Variants in FSTL5 observed in about 807,000 individuals in gnomAD.
FSTL5 encodes the protein follistatin-related protein 5.
In FSTL5, 62 loss-of-function variants were observed where a neutral mutation model predicts 89.1. The ratio of observed to expected loss-of-function variants is 0.70; its 90% CI spans 0.57 to 0.86. The LOEUF (loss-of-function observed/expected upper bound fraction) is 0.86. Ranked by LOEUF, FSTL5 falls within the 40% of genes least tolerant of loss-of-function variation. The pLI, the probability that FSTL5 is intolerant of heterozygous loss-of-function variation, is 0.00. For synonymous variants in FSTL5, 383 were observed against 346.2 expected (o/e 1.11, Z -1.18); for missense variants, 1,057 against 1,001.6 (o/e 1.06, Z -0.75).
intron 4 of FSTL5, among the ~76,000 whole-genome samples, chr4:161,888,550 C>T (rs1304230284): frequency 6.6e-6 from 1 of 152,044 alleles, no homozygotes; most frequent in African/African-American, 2.4e-5. Context: ...TGCAATTGTA[C>T]CCTTGGTATT....
rs368085397 is a variant in FSTL5 at position 161,779,795 on chromosome 4, A to G, written c.410-3721T>C. Among the ~76,000 whole-genome samples the G allele has an allele frequency of 1.5e-3, 77 of 52,970 alleles. 2 individuals carry two copies. The highest frequency in any genetic ancestry group is 1.7e-3 in the Non-Finnish European group (56 of 32,100). 34.8% of individuals were successfully genotyped at this position (52,970 alleles called of 152,430 possible). ...TATATGTATATATATATATATATAT[A>G]TATATATATATATATGTATATATAT... On this transcript the variant is annotated intron_variant, in intron 4 of 15. Transcript: ENST00000306100.
intron 4 of FSTL5, among the ~76,000 whole-genome samples, chr4:161,798,884 G>A (rs563025871): frequency 6.6e-6 from 1 of 151,772 alleles, no homozygotes; most frequent in Non-Finnish European, 1.5e-5. Context: ...TGAGTGAAAT[G>A]GGAAGAAAAG....
At chr4:162,141,485 G>T (rs1732744598) in intron 1 of FSTL5, among the ~76,000 whole-genome samples, 1 of 152,094 alleles carries the variant, frequency 6.6e-6, no homozygotes, top group Non-Finnish European at 1.5e-5. Context: ...TGCCATGATT[G>T]TAAGCTTCCT....
chr4:161,986,402 A>C (rs2111063368), intron 3 of FSTL5, among the ~76,000 whole-genome samples: 1 of 152,186 alleles, frequency 6.6e-6, no homozygotes, highest in Middle Eastern at 3.4e-3. Context: ...ATATAAAATA[A>C]ATAGTTGAGC....
intron 4 of FSTL5, among the ~76,000 whole-genome samples, chr4:161,797,628 T>C (rs1195469741): frequency 6.6e-6 from 1 of 151,544 alleles, no homozygotes; most frequent in Non-Finnish European, 1.5e-5. Flanking sequence ...TGAACCACTA[T>C]TAAAAAATGG....
At chr4:161,831,361 C>T (rs1294984666) in intron 4 of FSTL5, among the ~76,000 whole-genome samples, 4 of 151,720 alleles carry the variant, frequency 2.6e-5, no homozygotes, top group South Asian at 2.1e-4. Flanking sequence ...CCTCTAATTA[C>T]GTGTCTGATA....
intron 13 of FSTL5, among the ~76,000 whole-genome samples, chr4:161,468,265 A>G (rs1578856669): frequency 6.8e-6 from 1 of 147,592 alleles, no homozygotes; most frequent in Admixed American, 6.7e-5. Flanking sequence ...TTTTTTTACA[A>G]TAGGAACATA....
chr4:161,932,277 T>C (rs1040895738), intron 3 of FSTL5, among the ~76,000 whole-genome samples: 8 of 152,120 alleles, frequency 5.3e-5, no homozygotes, highest in South Asian at 4.1e-4. Flanking sequence ...TTCTCTAATA[T>C]ATAAAAATAA....
intron 2 of FSTL5, chr4:162,035,196 T>A (rs1365402846): frequency 6.6e-6 from 1 of 152,078 alleles, no homozygotes; most frequent in Non-Finnish European, 1.5e-5. Context: ...ATGGATCACT[T>A]TTTTATGTGC....
intron 4 of FSTL5, among the ~76,000 whole-genome samples, chr4:161,881,844 G>T (rs1352246271): frequency 6.6e-6 from 1 of 152,062 alleles, no homozygotes; most frequent in Non-Finnish European, 1.5e-5. Flanking sequence ...GGCCTTAAAA[G>T]ACTTTTTTCT....
intron 15 of FSTL5, among the ~76,000 whole-genome samples, chr4:161,431,344 C>T (rs780404164): frequency 6.6e-6 from 1 of 151,616 alleles, no homozygotes; most frequent in African/African-American, 2.4e-5. Flanking sequence ...CTAGTTTTCT[C>T]TATGATTGTT....
At chr4:161,410,430 G>A (rs575841519) in intron 15 of FSTL5, among the ~76,000 whole-genome samples, 17 of 152,134 alleles carry the variant, frequency 1.1e-4, no homozygotes, top group Admixed American at 5.2e-4. Flanking sequence ...TACATTTTTC[G>A]CATCTGTGCA....
At chr4:162,013,005 G>A (rs561026463) in intron 3 of FSTL5, among the ~76,000 whole-genome samples, 1 of 152,126 alleles carries the variant, frequency 6.6e-6, no homozygotes, top group African/African-American at 2.4e-5. Flanking sequence ...ACAACATGGT[G>A]AAACCCTGTC....
chr4:161,784,907 C>CA (rs1202708192), intron 4 of FSTL5, among the ~76,000 whole-genome samples: 1 of 125,404 alleles, frequency 8.0e-6, no homozygotes, highest in Non-Finnish European at 1.6e-5. Context: ...AAAACAAAAA[C>CA]AAACAAACAA....
At chr4:162,002,189 T>C (rs536540229) in intron 3 of FSTL5, among the ~76,000 whole-genome samples, 66 of 152,304 alleles carry the variant, frequency 4.3e-4, no homozygotes, top group African/African-American at 1.5e-3. Context: ...AATGCGAGTA[T>C]ATGCTTTGTT....
rs113638833 is a variant in FSTL5 at position 161,752,921 on chromosome 4, A to T, written c.727+6490T>A. On this transcript the variant is annotated intron_variant, in intron 6 of 15. Coordinates refer to ENST00000306100, the MANE Select transcript of FSTL5 (RefSeq NM_020116.5). ...GCAGCAAGAAGGCGGGCATTAGTTT[A>T]TAAGCCAGGAAGACAGCCCTCACCA... 4.9e-3 allele frequency among the ~76,000 whole-genome samples: 753 copies of T among 152,278 alleles called. 7 individuals carry two copies. The highest frequency in any genetic ancestry group is 0.018 in the African/African-American group (732 of 41,562).
chr4:162,030,949 A>C (rs184341080), intron 3 of FSTL5, among the ~76,000 whole-genome samples: 1 of 152,176 alleles, frequency 6.6e-6, no homozygotes, highest in Non-Finnish European at 1.5e-5. Flanking sequence ...AACATTGTCT[A>C]ATAATAGTTA....
rs996844220 is a variant in FSTL5, at chr4:161,564,522, T to C, written c.1016-21829A>G. Among the ~76,000 whole-genome samples, 15 of 108,846 alleles carry C rather than the reference T, an allele frequency of 1.4e-4. No homozygotes were observed. In the East Asian group the frequency reaches 3.2e-3, roughly 23 times the overall value. The allele number at this position is 108,846 out of a possible 152,430, so 71.4% of individuals were successfully genotyped here. A position where few individuals can be genotyped will look rare whatever the true frequency, so the allele number is the denominator to read the frequency against. ...AATTTATTTAATTAACTCATATAAT[T>C]AATTTATTAATTTTTATTCCTAAAA... On this transcript the variant is annotated intron_variant, in intron 8 of 15. Coordinates refer to ENST00000306100, the MANE Select transcript of FSTL5 (RefSeq NM_020116.5).
chr4:161,977,241 G>A (rs988936975), intron 3 of FSTL5, among the ~76,000 whole-genome samples: 1 of 151,990 alleles, frequency 6.6e-6, no homozygotes, highest in Admixed American at 6.6e-5. Flanking sequence ...GAATATATGT[G>A]ACACTTTGGA....
Sources: gnomAD v4.1 joint callset for allele counts (sites outside exome capture counted in the v4.1 genomes callset) on GRCh38, gnomAD v4.1.1 for gene constraint, MANE v1.5 for transcripts, NCBI Gene and HGNC (gene_info 2026-07-23, HGNC 2026-07-21) for gene names.